Variants in ERCC6L2 observed in about 807,000 individuals in gnomAD.
ERCC6L2 encodes DNA excision repair protein ERCC-6-like 2.
A neutral mutation model predicts 132.0 loss-of-function variants in ERCC6L2; 77 were observed. The ratio of observed to expected loss-of-function variants is 0.58; its 90% CI spans 0.49 to 0.71. ERCC6L2 has a LOEUF of 0.71. Among genes scored for constraint, ERCC6L2 ranks in the 30% least tolerant of loss-of-function variants. The pLI is 0.00. For missense variants in ERCC6L2, 1,542 were observed against 1,837.6 expected (o/e 0.84, Z 2.94); for synonymous variants, 583 against 632.4 (o/e 0.92, Z 1.17).
rs1302910845 is a variant in ERCC6L2, at chr9:95,992,025, A to AC, written c.3493-12493dup. On this transcript the variant is annotated intron_variant, in intron 17 of 18. Transcript: ENST00000653738. ...TTTTCTAACTACATATCTGTATGAG[A>AC]CCAATTTTCTTCATAAGCTTCAACC... is the stretch of plus-strand genomic sequence containing the variant. 2.6e-5 allele frequency among the ~76,000 whole-genome samples: 4 copies of AC among 152,334 alleles called. No homozygotes were observed. The East Asian group carries it at 7.7e-4, about 29-fold the overall frequency.
At chr9:96,040,002 C>T (rs556456628) in intron 20 of ERCC6L2, among the ~76,000 whole-genome samples, 1 of 151,410 alleles carries the variant, frequency 6.6e-6, no homozygotes, top group Non-Finnish European at 1.5e-5. Flanking sequence ...GAGGATCACT[C>T]GAGGCCAGGA....
intron 15 of ERCC6L2, chr9:95,971,542 A>C (rs1006117056): frequency 1.3e-5 from 2 of 154,516 alleles, no homozygotes; most frequent in African/African-American, 4.8e-5. Context: ...TTATTCTTAA[A>C]GCGTGATTGG....
intron 16 of ERCC6L2, among the ~76,000 whole-genome samples, chr9:95,974,688 G>A (rs1414603639): frequency 6.6e-6 from 1 of 151,342 alleles, no homozygotes; most frequent in African/African-American, 2.4e-5. Context: ...CTGTTGACTT[G>A]GTTATTATTT....
At chr9:95,903,547 T>C (rs539728486) in intron 3 of ERCC6L2, among the ~76,000 whole-genome samples, 3 of 152,236 alleles carry the variant, frequency 2.0e-5, no homozygotes, top group Non-Finnish European at 4.4e-5. Context: ...AGAGTTGATA[T>C]TTATTGATCT....
intron 4 of ERCC6L2, among the ~76,000 whole-genome samples, chr9:95,908,240 G>T (rs544537755): frequency 2.6e-5 from 4 of 152,128 alleles, no homozygotes; most frequent in Non-Finnish European, 5.9e-5. Context: ...TTAGAGACAG[G>T]TCTCTTTGAT....
intron 13 of ERCC6L2, among the ~76,000 whole-genome samples, chr9:95,965,354 A>G (rs1420144759): frequency 6.6e-6 from 1 of 152,172 alleles, no homozygotes; most frequent in African/African-American, 2.4e-5. Flanking sequence ...TTGAGATGAT[A>G]TAAGGTTGTA....
intron 2 of ERCC6L2, among the ~76,000 whole-genome samples, chr9:95,893,193 C>CT: frequency 2.6e-5 from 4 of 152,238 alleles, no homozygotes; most frequent in African/African-American, 9.6e-5. Context: ...TTTAAGGAAT[C>CT]TAAGAGTTAG....
At chr9:95,909,996 A>T (rs1421945859) in intron 4 of ERCC6L2, among the ~76,000 whole-genome samples, 1 of 152,166 alleles carries the variant, frequency 6.6e-6, no homozygotes, top group African/African-American at 2.4e-5. Context: ...AGTATCTTGT[A>T]GTGTAATTTG....
chr9:95,946,602 T>C (rs1831076499), intron 12 of ERCC6L2, among the ~76,000 whole-genome samples: 1 of 152,214 alleles, frequency 6.6e-6, no homozygotes, highest in African/African-American at 2.4e-5. Flanking sequence ...ATAAAAGTTA[T>C]CTACCATAAT....
At chr9:95,975,989 C>A (rs1020784565) in intron 16 of ERCC6L2, among the ~76,000 whole-genome samples, 1 of 152,118 alleles carries the variant, frequency 6.6e-6, no homozygotes, top group Non-Finnish European at 1.5e-5. Context: ...CTTTCTAGCA[C>A]ATTTTCATTG....
intron 12 of ERCC6L2, among the ~76,000 whole-genome samples, chr9:95,951,096 A>C (rs1477522829): frequency 6.6e-6 from 1 of 152,226 alleles, no homozygotes; most frequent in Non-Finnish European, 1.5e-5. Context: ...TTTTTAATAC[A>C]TTTTAAAAGA....
chr9:95,948,726 C>T (rs1455326263), intron 12 of ERCC6L2, among the ~76,000 whole-genome samples: 2 of 143,604 alleles, frequency 1.4e-5, no homozygotes, highest in Non-Finnish European at 3.0e-5. Context: ...TACCAGTTTG[C>T]AAAGACTTGG....
intron 11 of ERCC6L2, among the ~76,000 whole-genome samples, chr9:95,940,099 C>G (rs1183324674): frequency 6.6e-6 from 1 of 152,154 alleles, no homozygotes; most frequent in African/African-American, 2.4e-5. Context: ...AAAGCTCTAG[C>G]TCTTCACTCA....
At chr9:95,955,855 C>T (rs551001253) in intron 12 of ERCC6L2, 59 bp from the exon 13 acceptor site, 5 of 915,118 alleles carry the variant, frequency 5.5e-6, no homozygotes, top group Non-Finnish European at 8.3e-6. Context: ...CCCCAAGTTA[C>T]CTCTTCAACC....
intron 12 of ERCC6L2, among the ~76,000 whole-genome samples, chr9:95,943,743 C>T (rs1442088909): frequency 6.6e-6 from 1 of 152,176 alleles, no homozygotes; most frequent in African/African-American, 2.4e-5. Flanking sequence ...CCATTAAGCA[C>T]ATGAAGAGAT....
In ERCC6L2 at chr9:95,888,593, C is replaced by G. The variant is rs182118241; in HGVS notation, c.471+7300C>G. 2.0e-3 allele frequency among the ~76,000 whole-genome samples: 297 copies of G among 152,124 alleles called. 1 individual carries two copies. Among genetic ancestry groups the G allele is most frequent in the Middle Eastern group, 0.014 (4 of 294 alleles). ...TCTGTGAATTAATATTTTGATAGAC[C>G]TCTACTGGACCACCATAGTGTGGTA... On this transcript the variant is annotated intron_variant, in intron 2 of 18. Transcript: ENST00000653738.
In ERCC6L2 at chr9:96,016,128, G is replaced by A. The variant is rs12003772; in HGVS notation, c.*2925G>A. On this transcript the variant is annotated 3_prime_UTR_variant, in exon 19 of 19. Coordinates refer to ENST00000653738, the MANE Select transcript of ERCC6L2 (RefSeq NM_020207.7). Reference sequence around the variant, plus strand: ...TCACCAAGTTCTGCTAACTAAATGGGTGGCCTCAAGCAAATCCCTTACCTC... The same window carrying A: ...TCACCAAGTTCTGCTAACTAAATGGATGGCCTCAAGCAAATCCCTTACCTC... Among the ~76,000 whole-genome samples the A allele has an allele frequency of 0.044, 6,654 of 152,198 alleles. 155 individuals are homozygous for A. Among genetic ancestry groups the A allele is most frequent in the East Asian group, 0.13 (672 of 5,166 alleles).
At chr9:95,922,446 T>G (rs1445862509) in intron 8 of ERCC6L2, 28 bp downstream of exon 8, 1 of 1,258,986 alleles carries the variant, frequency 7.9e-7, no homozygotes, top group Admixed American at 1.8e-5. Context: ...CATTTCTTTG[T>G]GATGCTATTG....
At chr9:95,949,061 C>A (rs946583231) in intron 12 of ERCC6L2, among the ~76,000 whole-genome samples, 3 of 151,792 alleles carry the variant, frequency 2.0e-5, no homozygotes, top group Non-Finnish European at 4.4e-5. Context: ...GAGAACCAAA[C>A]AAATTCTGGA....
Sources: gnomAD v4.1 joint callset for allele counts (sites outside exome capture counted in the v4.1 genomes callset) on GRCh38, gnomAD v4.1.1 for gene constraint, MANE v1.5 for transcripts, NCBI Gene and HGNC (gene_info 2026-07-23, HGNC 2026-07-21) for gene names.